The following CPE variants were observed in gnomAD, a reference collection of about 807,000 sequenced individuals.
CPE encodes the protein carboxypeptidase E.
In CPE, 17 loss-of-function variants were observed where a neutral mutation model predicts 53.5. The observed-to-expected ratio is 0.32, with a 90% confidence interval of 0.22 to 0.48. CPE has a LOEUF of 0.48. CPE is among the 20% of genes least tolerant of loss of function. The pLI is 0.99. For synonymous variants in CPE, 226 were observed against 228.8 expected (o/e 0.99, Z 0.11); for missense variants, 524 against 614.7 (o/e 0.85, Z 1.56).
At chr4:165,417,557 ATT>A (rs59056653) in intron 1 of CPE, among the ~76,000 whole-genome samples, 81,960 of 149,776 alleles carry the variant, frequency 0.55, 22,596 homozygotes, top group East Asian at 0.75. Context: ...TATTGGCAGT[ATT>A]TTTTTTTTTT....
At chr4:165,490,306 T>G (rs556122510) in intron 6 of CPE, among the ~76,000 whole-genome samples, 15 of 151,896 alleles carry the variant, frequency 9.9e-5, no homozygotes, top group African/African-American at 3.6e-4. Flanking sequence ...TTTGAAAGAG[T>G]CTAGTTCTCA....
At position 165,405,826 on chromosome 4, in the gene CPE, C is replaced by G. The variant is rs1326145540; in HGVS notation, c.307+26298C>G. On this transcript the variant is annotated intron_variant, in intron 1 of 8. Transcript: ENST00000402744. ...GGGCAGCCTTTGTGTGCCTCCTGCT[C>G]CTGGTAAGATCCCCAGCAAGACTTC... 5 of 751,772 alleles carry G rather than the reference C, an allele frequency of 6.7e-6. No homozygotes were observed. In the East Asian group the frequency reaches 1.3e-4, roughly 20 times the overall value. The allele number at this position is 751,772 out of a possible 1,614,324, so 46.6% of individuals were successfully genotyped here.
chr4:165,440,458 C>G (rs920233098), intron 1 of CPE, among the ~76,000 whole-genome samples: 7 of 144,276 alleles, frequency 4.9e-5, no homozygotes, highest in African/African-American at 1.9e-4. Flanking sequence ...AACCCCACCC[C>G]CCCCCACACA....
chr4:165,476,049 C>T (rs1351923406), intron 3 of CPE, among the ~76,000 whole-genome samples: 1 of 152,086 alleles, frequency 6.6e-6, no homozygotes, highest in Non-Finnish European at 1.5e-5. Context: ...GTGATGAATC[C>T]ATATGGGTTT....
At chr4:165,490,013 A>T (rs532540079) in intron 6 of CPE, among the ~76,000 whole-genome samples, 2 of 152,286 alleles carry the variant, frequency 1.3e-5, no homozygotes, top group Non-Finnish European at 2.9e-5. Flanking sequence ...AGTTTAGGAA[A>T]ACAAAGGCTG....
Position 165,440,093 on chromosome 4 carries a change from C to G in CPE, c.308-24297C>G, listed in dbSNP as rs143339958. On this transcript the variant is annotated intron_variant, in intron 1 of 8. Coordinates refer to ENST00000402744, the MANE Select transcript of CPE (RefSeq NM_001873.4). ...GCCTTTCTTGCCTTCTTCAGTTTTTCCTACTATAAACATTGTGCATGTGTG... is the reference window on the plus strand; with the variant it reads ...GCCTTTCTTGCCTTCTTCAGTTTTTGCTACTATAAACATTGTGCATGTGTG... Among the ~76,000 whole-genome samples the G allele has an allele frequency of 1.5e-3, 229 of 152,188 alleles. 1 individual carries two copies. Among genetic ancestry groups the G allele is most frequent in the African/African-American group, 5.3e-3 (220 of 41,532 alleles).
intron 3 of CPE, among the ~76,000 whole-genome samples, chr4:165,473,904 C>T (rs901015250): frequency 2.4e-4 from 36 of 152,244 alleles, no homozygotes; most frequent in African/African-American, 6.8e-4. Flanking sequence ...GCAGAGAGCC[C>T]CTTCAGCTCA....
intron 1 of CPE, among the ~76,000 whole-genome samples, chr4:165,454,704 G>A (rs1210487315): frequency 1.3e-5 from 2 of 152,198 alleles, no homozygotes; most frequent in African/African-American, 4.8e-5. Context: ...AAATGGACTA[G>A]TGTTTTTCCA....
chr4:165,420,015 T>C (rs1257930211), intron 1 of CPE, among the ~76,000 whole-genome samples: 4 of 152,228 alleles, frequency 2.6e-5, no homozygotes, highest in African/African-American at 7.2e-5. Context: ...TTCTGTGATA[T>C]ATGCATACAT....
At chr4:165,494,936 C>G (rs1732681642) in intron 7 of CPE, among the ~76,000 whole-genome samples, 2 of 152,190 alleles carry the variant, frequency 1.3e-5, no homozygotes, top group Admixed American at 1.3e-4. Flanking sequence ...AGTGTGGCCT[C>G]TGCTCGCAAC....
chr4:165,451,951 T>A lies in CPE; in HGVS notation c.308-12439T>A, dbSNP rs924798235. 7.4e-4 allele frequency among the ~76,000 whole-genome samples: 113 copies of A among 152,110 alleles called. 1 individual carries two copies. Among genetic ancestry groups the A allele is most frequent in the African/African-American group, 2.3e-3 (95 of 41,480 alleles). ...CCCCCGTTTTTTTTTTCGTTTTTTT[T>A]AAACAATACTATATTGCTACATGCC... On this transcript the variant is annotated intron_variant, in intron 1 of 8. Coordinates refer to ENST00000402744, the MANE Select transcript of CPE (RefSeq NM_001873.4).
intron 1 of CPE, among the ~76,000 whole-genome samples, chr4:165,394,528 G>A (rs753434895): frequency 2.6e-5 from 4 of 152,008 alleles, no homozygotes; most frequent in African/African-American, 7.3e-5. Context: ...GTGTTGTGTC[G>A]CTGGAAGTTA....
chr4:165,490,746 G>C (rs1395429700), intron 6 of CPE, among the ~76,000 whole-genome samples: 1 of 152,046 alleles, frequency 6.6e-6, no homozygotes, highest in Non-Finnish European at 1.5e-5. Flanking sequence ...TCTCTGCAGG[G>C]CAGGACCGAA....
At chr4:165,404,191 A>T (rs1264395788) in intron 1 of CPE, 9 of 760,138 alleles carry the variant, frequency 1.2e-5, no homozygotes, top group Non-Finnish European at 9.8e-6. Flanking sequence ...CTTCATACAG[A>T]TCCACAAAGC....
At chr4:165,387,312 G>A (rs1037937821) in intron 1 of CPE, among the ~76,000 whole-genome samples, 5 of 152,284 alleles carry the variant, frequency 3.3e-5, no homozygotes, top group Middle Eastern at 3.4e-3. Flanking sequence ...ATAATACACC[G>A]TGGAACAACT....
intron 1 of CPE, among the ~76,000 whole-genome samples, chr4:165,392,597 TC>T (rs1455017269): frequency 6.8e-6 from 1 of 146,612 alleles, no homozygotes; most frequent in African/African-American, 2.5e-5. Context: ...ATTACATTAT[TC>T]CATTACTATA....
chr4:165,382,358 T>C (rs1208341937), intron 1 of CPE, among the ~76,000 whole-genome samples: 1 of 152,228 alleles, frequency 6.6e-6, no homozygotes, highest in African/African-American at 2.4e-5. Context: ...AAAGGGCCAA[T>C]TGTCTTTACT....
chr4:165,452,595 T>A (rs1164686185), intron 1 of CPE, among the ~76,000 whole-genome samples: 1 of 152,214 alleles, frequency 6.6e-6, no homozygotes, highest in Non-Finnish European at 1.5e-5. Flanking sequence ...GGGTTTTTTT[T>A]GCAAATGTGG....
chr4:165,428,152 C>T (rs1481989883), intron 1 of CPE, among the ~76,000 whole-genome samples: 1 of 152,178 alleles, frequency 6.6e-6, no homozygotes, highest in African/African-American at 2.4e-5. Context: ...GCCTTAGCCT[C>T]CTGAGTAGCT....
Sources: allele counts gnomAD v4.1 joint callset (sites outside exome capture counted in the v4.1 genomes callset), GRCh38; gene constraint gnomAD v4.1.1; transcripts MANE v1.5; gene names NCBI Gene and HGNC (gene_info 2026-07-23, HGNC 2026-07-21).